The following TYR variants were observed in gnomAD, a reference collection of about 807,000 sequenced individuals.
The protein encoded by TYR is tyrosinase, also known as LB24-AB.
In TYR, 58 loss-of-function variants were observed where a neutral mutation model predicts 51.5. That is an observed-to-expected ratio of 1.13 (90% CI 0.91 to 1.40). The LOEUF (loss-of-function observed/expected upper bound fraction) is 1.40, where lower values mean the gene tolerates loss of function less well. Among genes scored for constraint, TYR ranks in the 40% most tolerant of loss-of-function variants. The probability of loss-of-function intolerance (pLI) is 0.00; values close to 1 mark genes in which losing one functional copy is unlikely to be tolerated. For missense variants in TYR, 732 were observed against 647.4 expected, an observed-to-expected ratio of 1.13 and a Z score of -1.42; for synonymous variants, 263 against 235.2, an observed-to-expected ratio of 1.12 and a Z score of -1.08.
At chr11:89,210,330 C>T (rs893677482) in intron 2 of TYR, among the ~76,000 whole-genome samples, 1 of 151,916 alleles carries the variant, frequency 6.6e-6, no homozygotes, top group Non-Finnish European at 1.5e-5. Context: ...CATATGCAAG[C>T]TTCAATAGCA....
chr11:89,292,700 C>T (rs974106694), intron 4 of TYR, among the ~76,000 whole-genome samples: 1 of 151,908 alleles, frequency 6.6e-6, no homozygotes, highest in African/African-American at 2.4e-5. Context: ...ACCAGAAAAT[C>T]GAATATTGAA....
chr11:89,287,650 G>A (rs1944805662), intron 4 of TYR, among the ~76,000 whole-genome samples: 1 of 151,824 alleles, frequency 6.6e-6, no homozygotes, highest in Non-Finnish European at 1.5e-5. Context: ...TTGAAAAGGA[G>A]GACATGGTTA....
At chr11:89,207,175 A>G (rs1943683154) in intron 2 of TYR, among the ~76,000 whole-genome samples, 1 of 152,140 alleles carries the variant, frequency 6.6e-6, no homozygotes, top group Non-Finnish European at 1.5e-5. Context: ...GGATATGAAT[A>G]TAACAAGCAG....
intron 2 of TYR, among the ~76,000 whole-genome samples, chr11:89,193,226 G>GT (rs1439171242): frequency 2.0e-5 from 3 of 152,112 alleles, no homozygotes; most frequent in Non-Finnish European, 2.9e-5. Context: ...GCATTTTGCT[G>GT]TTTTTTCAGC....
intron 3 of TYR, among the ~76,000 whole-genome samples, chr11:89,250,487 G>A (rs1944317877): frequency 6.6e-6 from 1 of 151,480 alleles, no homozygotes; most frequent in South Asian, 2.1e-4. Flanking sequence ...TTATTTATAG[G>A]GTGGTATATT....
intron 3 of TYR, among the ~76,000 whole-genome samples, chr11:89,283,024 G>T (rs536963885): frequency 1.8e-4 from 28 of 151,850 alleles, no homozygotes; most frequent in Admixed American, 1.5e-3. Flanking sequence ...GAATAAAGAA[G>T]ATCAAACAGA....
Position 89,178,107 on chromosome 11 carries a change from A to C in TYR, c.154A>C (p.Arg52=). The change falls in exon 1 of 5, where the codon AGA becomes CGA. Residue 52 remains arginine, a synonymous_variant. Transcript: ENST00000263321. ...GAGTCCCTGTGGCCAGCTTTCAGGC[A>C]GAGGTTCCTGTCAGAATATCCTTCT... ...DRSPCGQLSG[R]GSCQNILLSN... 1 of 1,614,202 alleles carries C rather than the reference A, an allele frequency of 6.2e-7. No individual in the cohort carries two copies. The highest frequency in any genetic ancestry group is 8.5e-7 in the Non-Finnish European group (1 of 1,180,022).
chr11:89,264,265 TA>T (rs1205265301), intron 3 of TYR, among the ~76,000 whole-genome samples: 5 of 152,176 alleles, frequency 3.3e-5, no homozygotes, highest in Non-Finnish European at 4.4e-5. Context: ...AGAACTGCTC[TA>T]ATTGTGATTG....
intron 3 of TYR, among the ~76,000 whole-genome samples, chr11:89,230,791 C>A (rs1434425583): frequency 6.6e-6 from 1 of 151,424 alleles, no homozygotes; most frequent in Non-Finnish European, 1.5e-5. Context: ...CTCAACATCA[C>A]TAATCATCAG....
intron 2 of TYR, among the ~76,000 whole-genome samples, chr11:89,210,113 A>G (rs1280733505): frequency 6.6e-6 from 1 of 152,200 alleles, no homozygotes; most frequent in East Asian, 1.9e-4. Flanking sequence ...TGGATGGAGA[A>G]TGAGTTTGAC....
Position 89,201,418 on chromosome 11 carries a change from C to A in TYR, c.1036+10000C>A, listed in dbSNP as rs546686489. 2.0e-5 allele frequency among the ~76,000 whole-genome samples: 3 copies of A among 152,028 alleles called. No individual in the cohort carries two copies. In the South Asian group the frequency reaches 6.2e-4, roughly 32 times the overall value. On this transcript the variant is annotated intron_variant, in intron 2 of 4. Transcript: ENST00000263321. Reference sequence around the variant, plus strand: ...AAATAATGGCACAAATGTTTTTTCCCTAGACGAACATATTTCAGAATGCAG... The same window carrying A: ...AAATAATGGCACAAATGTTTTTTCCATAGACGAACATATTTCAGAATGCAG...
chr11:89,248,618 G>C lies in TYR; in HGVS notation c.1184+20648G>C, dbSNP rs188681280. ...CAATATGAGATTGAAGAGATCAGCA[G>C]AGATCAATAGAGCCCTAAGTACAGT... is the stretch of plus-strand genomic sequence containing the variant. On this transcript the variant is annotated intron_variant, in intron 3 of 4. Coordinates refer to ENST00000263321, the MANE Select transcript of TYR (RefSeq NM_000372.5). Among the ~76,000 whole-genome samples the C allele has an allele frequency of 4.4e-3, 674 of 152,332 alleles. 5 individuals carry two copies. Among genetic ancestry groups the C allele is most frequent in the African/African-American group, 0.016 (648 of 41,584 alleles).
chr11:89,198,225 AAC>A (rs1221319817), intron 2 of TYR, among the ~76,000 whole-genome samples: 1 of 148,044 alleles, frequency 6.8e-6, no homozygotes, highest in African/African-American at 2.7e-5. Flanking sequence ...CAACAACAAC[AAC>A]AAAAAAAAAG....
chr11:89,258,153 G>A (rs1172790251), intron 3 of TYR, among the ~76,000 whole-genome samples: 5 of 151,940 alleles, frequency 3.3e-5, no homozygotes, highest in Non-Finnish European at 5.9e-5. Flanking sequence ...ATGGTGAAAG[G>A]CGGAAAATTT....
Position 89,295,126 on chromosome 11 carries a change from A to T in TYR, c.1367-17A>T. The T allele has an allele frequency of 2.5e-6, 4 of 1,613,372 alleles. No homozygotes were observed. The highest frequency in any genetic ancestry group is 3.4e-6 in the Non-Finnish European group (4 of 1,179,678). On this transcript the variant is annotated splice_polypyrimidine_tract_variant and intron_variant, in intron 4 of 4. Transcript: ENST00000263321. Reference sequence around the variant, plus strand: ...TGGTGGTAACAATAAAAACAATGGGATGTCTTTTTATTTCAGACCCAGACT... The same window carrying T: ...TGGTGGTAACAATAAAAACAATGGGTTGTCTTTTTATTTCAGACCCAGACT...
chr11:89,262,199 C>G (rs1275261810), intron 3 of TYR, among the ~76,000 whole-genome samples: 1 of 151,958 alleles, frequency 6.6e-6, no homozygotes, highest in Non-Finnish European at 1.5e-5. Flanking sequence ...GCTAGGATTA[C>G]AGGCACCTGC....
At chr11:89,281,501 A>G (rs1193575046) in intron 3 of TYR, among the ~76,000 whole-genome samples, 1 of 151,598 alleles carries the variant, frequency 6.6e-6, no homozygotes, top group Non-Finnish European at 1.5e-5. Flanking sequence ...TATCTTCACT[A>G]GTCTAGACTC....
intron 1 of TYR, among the ~76,000 whole-genome samples, chr11:89,185,828 AT>A (rs1298290840): frequency 9.9e-5 from 15 of 152,184 alleles, no homozygotes; most frequent in African/African-American, 3.6e-4. Context: ...AAATAAAAAA[AT>A]ATATTTATCT....
chr11:89,208,050 C>A (rs556738364), intron 2 of TYR, among the ~76,000 whole-genome samples: 1 of 152,118 alleles, frequency 6.6e-6, no homozygotes, highest in Non-Finnish European at 1.5e-5. Context: ...GGGGGGATCA[C>A]GAAGTCAGGA....
Sources: gnomAD v4.1 joint callset for allele counts (sites outside exome capture counted in the v4.1 genomes callset) on GRCh38, gnomAD v4.1.1 for gene constraint, MANE v1.5 for transcripts, NCBI Gene and HGNC (gene_info 2026-07-23, HGNC 2026-07-21) for gene names.